Variants in PACS1 observed in about 807,000 individuals in gnomAD.
PACS1 encodes the protein PACS-1.
In PACS1, 24 loss-of-function variants were observed where a neutral mutation model predicts 115.0. The observed-to-expected ratio is 0.21, with a 90% CI of 0.15 to 0.29. The LOEUF is 0.29. Among genes scored for constraint, PACS1 ranks in the 10% least tolerant of loss-of-function variants. The pLI is 1.00. For synonymous variants in PACS1, 453 were observed against 504.5 expected (o/e 0.90, Z 1.37); for missense variants, 838 against 1,251.2 (o/e 0.67, Z 4.98).
At chr11:66,200,800 T>A (rs912483776) in intron 2 of PACS1, among the ~76,000 whole-genome samples, 3 of 151,864 alleles carry the variant, frequency 2.0e-5, no homozygotes, top group Non-Finnish European at 4.4e-5. Context: ...ATGGACCGAA[T>A]AGATATTTAC....
At chr11:66,227,860 C>T (rs1397310082) in intron 11 of PACS1, among the ~76,000 whole-genome samples, 1 of 152,306 alleles carries the variant, frequency 6.6e-6, no homozygotes, top group East Asian at 1.9e-4. Flanking sequence ...GGAAACTTCT[C>T]ACCATCTGTC....
chr11:66,126,867 AGGTGACT>A (rs1163297466), intron 1 of PACS1, among the ~76,000 whole-genome samples: 1 of 151,932 alleles, frequency 6.6e-6, no homozygotes, highest in Non-Finnish European at 1.5e-5. Context: ...GAAGAGTGGG[AGGTGACT>A]GGCAGCAAGG....
intron 1 of PACS1, among the ~76,000 whole-genome samples, chr11:66,160,663 A>ATTT (rs58145434): frequency 7.7e-5 from 9 of 116,188 alleles, no homozygotes; most frequent in East Asian, 5.1e-4. Context: ...TGCCTGGCTG[A>ATTT]TTTTTTTTTT....
At chr11:66,105,752 G>A (rs1169458183) in intron 1 of PACS1, among the ~76,000 whole-genome samples, 1 of 152,104 alleles carries the variant, frequency 6.6e-6, no homozygotes, top group Non-Finnish European at 1.5e-5. Context: ...AATTAGAGAT[G>A]GTGTTGAATC....
intron 1 of PACS1, among the ~76,000 whole-genome samples, chr11:66,092,640 G>T: frequency 6.6e-6 from 1 of 152,152 alleles, no homozygotes; most frequent in Non-Finnish European, 1.5e-5. Context: ...TTCTTCTAAG[G>T]TTTTTATGGT....
At chr11:66,121,227 A>T (rs1411334091) in intron 1 of PACS1, among the ~76,000 whole-genome samples, 1 of 152,174 alleles carries the variant, frequency 6.6e-6, no homozygotes, top group African/African-American at 2.4e-5. Flanking sequence ...TTGGGGTGCC[A>T]TGAACCGCAT....
At chr11:66,234,277 C>A in intron 17 of PACS1, 35 bp downstream of exon 17, 1 of 1,451,470 alleles carries the variant, frequency 6.9e-7, no homozygotes, top group East Asian at 2.3e-5. Context: ...ACTCCCACCC[C>A]CGGGGTCCAC....
In PACS1 at chr11:66,241,538, C is replaced by T. The variant is rs1422464917; in HGVS notation, c.2541C>T (p.Asn847=). Residue 847 remains asparagine (N), a synonymous_variant, in exon 22 of 24, where the codon AAC becomes AAT. Transcript: ENST00000320580. ...ACAAGAGGGACGCCAGCTCGAAGAA[C>T]ACCCTCAAGAGTGTCTTCCGCTCAG... ...EGDKRDASSK[N]TLKSVFRSVQ... is the part of the protein sequence containing the mutation. 5 of 1,614,088 alleles carry T rather than the reference C, an allele frequency of 3.1e-6. No homozygotes were observed. Among genetic ancestry groups the T allele is most frequent in the Admixed American group, 3.3e-5 (2 of 60,012 alleles).
In PACS1 at chr11:66,243,703, G is replaced by C. The variant is rs892680240; in HGVS notation, c.*423G>C. 5.5e-6 allele frequency: 1 copy of C among 181,616 alleles called. No homozygotes were observed. The highest frequency in any genetic ancestry group is 1.2e-5 in the Non-Finnish European group (1 of 85,172). The allele number at this position is 181,616 out of a possible 1,614,324, so 11.3% of individuals were successfully genotyped here. On this transcript the variant is annotated 3_prime_UTR_variant, in exon 24 of 24. Coordinates refer to ENST00000320580, the MANE Select transcript of PACS1 (RefSeq NM_018026.4). ...CTCCCCCAGCCCCTCCAGCCACCAG[G>C]GTGTCCTCTAGGATGCAGCTGCCAG...
chr11:66,082,324 A>G (rs1411946927), intron 1 of PACS1, among the ~76,000 whole-genome samples: 1 of 152,114 alleles, frequency 6.6e-6, no homozygotes, highest in Non-Finnish European at 1.5e-5. Context: ...TCCTGGACTC[A>G]AGTGATCCTC....
chr11:66,076,885 G>C (rs1008698457), intron 1 of PACS1, among the ~76,000 whole-genome samples: 1 of 152,204 alleles, frequency 6.6e-6, no homozygotes, highest in Non-Finnish European at 1.5e-5. Context: ...GATATTGAGG[G>C]CTCTTGAGGA....
At chr11:66,125,813 G>A (rs1189406171) in intron 1 of PACS1, among the ~76,000 whole-genome samples, 3 of 152,182 alleles carry the variant, frequency 2.0e-5, no homozygotes, top group African/African-American at 4.8e-5. Context: ...GCCGAGGCAG[G>A]CAGATTACTT....
chr11:66,168,748 A>ATGTG (rs1206021138), intron 1 of PACS1, among the ~76,000 whole-genome samples: 1 of 142,834 alleles, frequency 7.0e-6, no homozygotes, highest in Admixed American at 6.9e-5. Flanking sequence ...TAGTATATAT[A>ATGTG]TATATGTGTG....
At position 66,146,000 on chromosome 11, in the gene PACS1, C is replaced by T. The variant is rs1379535320; in HGVS notation, c.357-47486C>T. Reference sequence around the variant, plus strand: ...GGCAAATTACTAAAGAAATAACACACGTGAAAAATTACAGTTGAGAGTTGC... The same window carrying T: ...GGCAAATTACTAAAGAAATAACACATGTGAAAAATTACAGTTGAGAGTTGC... On this transcript the variant is annotated intron_variant, in intron 1 of 23. Transcript: ENST00000320580. Among the ~76,000 whole-genome samples, 5 of 152,232 alleles carry T rather than the reference C, an allele frequency of 3.3e-5. 1 individual carries two copies. The South Asian group carries it at 1.0e-3, about 32-fold the overall frequency.
rs1010454805 is a variant in PACS1 at position 66,128,048 on chromosome 11, A to G, written c.356+57206A>G. 5.9e-5 allele frequency among the ~76,000 whole-genome samples: 9 copies of G among 152,328 alleles called. No individual in the cohort carries two copies. In the East Asian group the frequency reaches 1.2e-3, roughly 20 times the overall value. On this transcript the variant is annotated intron_variant, in intron 1 of 23. Transcript: ENST00000320580. The stretch of plus-strand genomic sequence containing the variant: ...AACTGCATTATAGGATAAACAGAAC[A>G]GTTTTTTCAACAAATAAATCATAAG...
intron 1 of PACS1, among the ~76,000 whole-genome samples, chr11:66,137,626 A>T (rs748463712): frequency 3.3e-5 from 5 of 151,986 alleles, no homozygotes; most frequent in Non-Finnish European, 7.4e-5. Context: ...CTTTTGTGCC[A>T]CCTGCAGGTT....
intron 2 of PACS1, among the ~76,000 whole-genome samples, chr11:66,198,332 C>G (rs920763721): frequency 1.3e-5 from 2 of 152,152 alleles, no homozygotes; most frequent in African/African-American, 4.8e-5. Flanking sequence ...GAATTATTCA[C>G]GAGCTAAAAA....
chr11:66,172,237 A>G (rs1232950869), intron 1 of PACS1, among the ~76,000 whole-genome samples: 1 of 152,216 alleles, frequency 6.6e-6, no homozygotes, highest in East Asian at 1.9e-4. Flanking sequence ...AAGACACTTC[A>G]TGAAATGTGT....
chr11:66,116,604 A>C (rs1201534237), intron 1 of PACS1, among the ~76,000 whole-genome samples: 1 of 152,224 alleles, frequency 6.6e-6, no homozygotes, highest in Admixed American at 6.5e-5. Context: ...CATAGAACTT[A>C]GATTCTAGCT....
Sources: allele counts gnomAD v4.1 joint callset (sites outside exome capture counted in the v4.1 genomes callset), GRCh38; gene constraint gnomAD v4.1.1; transcripts MANE v1.5; gene names NCBI Gene and HGNC (gene_info 2026-07-23, HGNC 2026-07-21).